Variants in APBB2 observed in about 807,000 individuals in gnomAD.
APBB2 encodes the protein amyloid beta precursor protein binding family B member 2.
APBB2 carries 38 observed loss-of-function variants against 82.5 expected under a neutral mutation model. The observed-to-expected ratio is 0.46, with a 90% CI of 0.36 to 0.60. The LOEUF (loss-of-function observed/expected upper bound fraction) is 0.60, where lower values mean the gene tolerates loss of function less well. APBB2 is among the 20% of genes least tolerant of loss of function. The probability of loss-of-function intolerance (pLI) is 0.00; values close to 1 mark genes in which losing one functional copy is unlikely to be tolerated. For synonymous variants in APBB2, 341 were observed against 368.2 expected (o/e 0.93, Z 0.85); for missense variants, 772 against 972.3 (o/e 0.79, Z 2.74).
At chr4:41,159,958 AAGG>A (rs1353736308) in intron 1 of APBB2, among the ~76,000 whole-genome samples, 626 of 58,502 alleles carry the variant, frequency 0.011, 40 homozygotes, top group Middle Eastern at 0.042. Flanking sequence ...GGAGAAGGAG[AAGG>A]AGAAGAAGAA....
At chr4:40,822,868 G>A (rs1182791355) in intron 16 of APBB2, among the ~76,000 whole-genome samples, 1 of 152,160 alleles carries the variant, frequency 6.6e-6, no homozygotes, top group Non-Finnish European at 1.5e-5. Context: ...CGGGTAGGCA[G>A]AGGGTGGAGC....
chr4:41,028,472 C>T (rs1471485024), intron 5 of APBB2, among the ~76,000 whole-genome samples: 1 of 152,152 alleles, frequency 6.6e-6, no homozygotes, highest in Admixed American at 6.5e-5. Flanking sequence ...AAGATATAAG[C>T]CTAGAGCTTC....
chr4:41,087,800 A>T lies in APBB2; in HGVS notation c.-149+12839T>A, dbSNP rs74995950. On this transcript the variant is annotated intron_variant, in intron 3 of 17. Coordinates refer to ENST00000508593, the MANE Select transcript of APBB2 (RefSeq NM_004307.2). ...CCTACAGTGGGACATTTTACATAAG[A>T]CAATCACAGGGGAGACTTGTTGAGC... Among the ~76,000 whole-genome samples, 96 of 152,290 alleles carry T rather than the reference A, an allele frequency of 6.3e-4. 1 individual carries two copies. In the East Asian group the frequency reaches 0.014, roughly 21 times the overall value.
intron 12 of APBB2, among the ~76,000 whole-genome samples, chr4:40,849,758 C>T (rs938598117): frequency 1.4e-5 from 2 of 141,030 alleles, no homozygotes; most frequent in South Asian, 2.3e-4. Context: ...GACAGAGTCT[C>T]GCTCTGTCAC....
At chr4:41,053,270 C>A (rs2341851) in intron 4 of APBB2, among the ~76,000 whole-genome samples, 148,656 of 152,238 alleles carry the variant, frequency 0.98, 72,668 homozygotes, top group East Asian at 1. Flanking sequence ...AAACTAGAGA[C>A]GACAATTTTC....
chr4:40,983,460 T>C (rs1183025575), intron 6 of APBB2, among the ~76,000 whole-genome samples: 2 of 152,250 alleles, frequency 1.3e-5, no homozygotes, highest in Non-Finnish European at 2.9e-5. Context: ...TTCTCTTCCC[T>C]ATCATTCTAG....
intron 6 of APBB2, among the ~76,000 whole-genome samples, chr4:40,958,027 T>C (rs1560384264): frequency 6.6e-6 from 1 of 152,148 alleles, no homozygotes. Flanking sequence ...AACTTAAAAC[T>C]AAAAGGCATG....
intron 6 of APBB2, among the ~76,000 whole-genome samples, chr4:40,949,841 C>A (rs1469767073): frequency 1.3e-5 from 2 of 152,152 alleles, no homozygotes; most frequent in Non-Finnish European, 2.9e-5. Flanking sequence ...CTGCTTAGAG[C>A]TTTGAAATCA....
In APBB2 at chr4:40,982,400, GGAAA is replaced by G. The variant is rs1291191407; in HGVS notation, c.835+31179_835+31182del. Among the ~76,000 whole-genome samples the G allele has an allele frequency of 1.2e-3, 19 of 16,046 alleles. 1 individual carries two copies. The highest frequency in any genetic ancestry group is 3.0e-3 in the African/African-American group (15 of 5,046). 10.5% of individuals were successfully genotyped at this position (16,046 alleles called of 152,430 possible). A position where few individuals can be genotyped will look rare whatever the true frequency, so the allele number is the denominator to read the frequency against. Reference sequence around the variant, plus strand: ...GAAGGAAGGAAGGAAGGAAAGGAAAGGAAAGAAAGAAAGAAAGAAAGAAAGAAAG... The same window carrying G: ...GAAGGAAGGAAGGAAGGAAAGGAAAGGAAAGAAAGAAAGAAAGAAAGAAAG... On this transcript the variant is annotated intron_variant, in intron 6 of 17. Transcript: ENST00000508593.
intron 1 of APBB2, among the ~76,000 whole-genome samples, chr4:41,173,816 C>T (rs575035429): frequency 2.6e-5 from 4 of 152,136 alleles, no homozygotes; most frequent in South Asian, 2.1e-4. Flanking sequence ...CTACAACGTT[C>T]GCACAACTAT....
chr4:40,908,854 G>C (rs1318389212), intron 10 of APBB2, among the ~76,000 whole-genome samples: 1 of 152,180 alleles, frequency 6.6e-6, no homozygotes, highest in African/African-American at 2.4e-5. Flanking sequence ...TGTGCAAACT[G>C]TCCACTAGGG....
intron 2 of APBB2, among the ~76,000 whole-genome samples, chr4:41,115,632 G>T (rs1258450277): frequency 6.7e-6 from 1 of 150,140 alleles, no homozygotes; most frequent in Non-Finnish European, 1.5e-5. Context: ...TCCAAAAAAA[G>T]ACCCATCAAA....
chr4:40,945,157 A>C, intron 6 of APBB2, 84 bp from the exon 7 acceptor site: 2 of 978,780 alleles, frequency 2.0e-6, no homozygotes, highest in Non-Finnish European at 3.2e-6. Flanking sequence ...GTGAACCCCA[A>C]AGGCAGACGT....
At chr4:40,983,787 A>G (rs930645065) in intron 6 of APBB2, among the ~76,000 whole-genome samples, 1 of 152,164 alleles carries the variant, frequency 6.6e-6, no homozygotes. Flanking sequence ...ACGTCGGCCA[A>G]GCTGGTCTCG....
At position 40,858,454 on chromosome 4, in the gene APBB2, C is replaced by CAAAAA. The variant is rs34433911; in HGVS notation, c.1530-27882_1530-27878dup. Among the ~76,000 whole-genome samples the CAAAAA allele has an allele frequency of 2.9e-3, 169 of 57,708 alleles. 7 individuals carry two copies. Among genetic ancestry groups the CAAAAA allele is most frequent in the African/African-American group, 0.011 (153 of 13,566 alleles). The allele number at this position is 57,708 out of a possible 152,430, so 37.9% of individuals were successfully genotyped here. A position where few individuals can be genotyped will look rare whatever the true frequency, so the allele number is the denominator to read the frequency against. On this transcript the variant is annotated intron_variant, in intron 12 of 17. Transcript: ENST00000508593. ...TGAGTGACAGAGTGAGAGTCCGTCT[C>CAAAAA]AAAAAAAAAAAAAAAAAAAAAAAAG...
At chr4:41,102,507 G>A (rs548863113) in intron 2 of APBB2, among the ~76,000 whole-genome samples, 6 of 152,302 alleles carry the variant, frequency 3.9e-5, no homozygotes, top group Admixed American at 3.9e-4. Flanking sequence ...CGAATTTCAT[G>A]TTTCTTTATG....
intron 12 of APBB2, among the ~76,000 whole-genome samples, chr4:40,833,851 A>G (rs1264590278): frequency 3.3e-5 from 5 of 152,218 alleles, no homozygotes; most frequent in Non-Finnish European, 5.9e-5. Flanking sequence ...CAACATCCCA[A>G]GGTTACCGAC....
In APBB2 at chr4:40,863,392, G is replaced by C. The variant is rs537660189; in HGVS notation, c.1529+26972C>G. Reference sequence around the variant, plus strand: ...TCAATGTGCAAATGCATTGTCTGAGGACTTGTTCTGATTCAGTGGGTCTGC... The same window carrying C: ...TCAATGTGCAAATGCATTGTCTGAGCACTTGTTCTGATTCAGTGGGTCTGC... On this transcript the variant is annotated intron_variant, in intron 12 of 17. Transcript: ENST00000508593. 1.4e-4 allele frequency among the ~76,000 whole-genome samples: 22 copies of C among 152,290 alleles called. No homozygotes were observed. The South Asian group carries it at 4.6e-3, about 32-fold the overall frequency.
At chr4:40,914,435 C>A (rs1037060811) in intron 10 of APBB2, among the ~76,000 whole-genome samples, 28 of 152,060 alleles carry the variant, frequency 1.8e-4, no homozygotes, top group Non-Finnish European at 3.8e-4. Flanking sequence ...GCCTGTAGTC[C>A]CAGCTACTCC....
Sources: gnomAD v4.1 joint callset for allele counts (sites outside exome capture counted in the v4.1 genomes callset) on GRCh38, gnomAD v4.1.1 for gene constraint, MANE v1.5 for transcripts, NCBI Gene and HGNC (gene_info 2026-07-23, HGNC 2026-07-21) for gene names.